Variants in NALCN observed in about 807,000 individuals in gnomAD.
The protein encoded by NALCN is sodium leak channel, non-selective, also known as sodium leak channel NALCN.
NALCN carries 111 observed loss-of-function variants against 225.3 expected under a neutral mutation model. The observed-to-expected ratio is 0.49, with a 90% confidence interval of 0.42 to 0.58. The LOEUF (loss-of-function observed/expected upper bound fraction) is 0.58. Among genes scored for constraint, NALCN ranks in the 20% least tolerant of loss-of-function variants. The probability of loss-of-function intolerance (pLI) is 0.00; values close to 1 mark genes in which losing one functional copy is unlikely to be tolerated. For missense variants in NALCN, 1,378 were observed against 2,202.4 expected (o/e 0.63, Z 7.49); for synonymous variants, 764 against 769.0 (o/e 0.99, Z 0.11).
intron 15 of NALCN, among the ~76,000 whole-genome samples, chr13:101,156,220 T>C (rs1035254611): frequency 8.6e-5 from 13 of 151,974 alleles, no homozygotes; most frequent in African/African-American, 3.2e-4. Flanking sequence ...TTTTAGCTCT[T>C]CTTTATTTTC....
intron 27 of NALCN, among the ~76,000 whole-genome samples, chr13:101,097,685 CT>C (rs1453363362): frequency 6.6e-6 from 1 of 152,166 alleles, no homozygotes; most frequent in Non-Finnish European, 1.5e-5. Flanking sequence ...GTGCTTTGTA[CT>C]TTGTGGGCAC....
chr13:101,308,915 C>T (rs1236635937), intron 7 of NALCN, among the ~76,000 whole-genome samples: 2 of 150,120 alleles, frequency 1.3e-5, no homozygotes, highest in African/African-American at 2.5e-5. Flanking sequence ...ACACTTAGCC[C>T]GAAGAATGAA....
intron 15 of NALCN, among the ~76,000 whole-genome samples, chr13:101,148,836 G>A (rs2037487317): frequency 6.6e-6 from 1 of 152,228 alleles, no homozygotes; most frequent in Non-Finnish European, 1.5e-5. Flanking sequence ...AGGGTAGAGA[G>A]ATAAGCATAA....
At chr13:101,118,286 A>C (rs780301617) in intron 18 of NALCN, among the ~76,000 whole-genome samples, 3 of 152,086 alleles carry the variant, frequency 2.0e-5, no homozygotes, top group Non-Finnish European at 2.9e-5. Flanking sequence ...GTTTGGTAAA[A>C]CTCAATAGTA....
At chr13:101,241,197 G>C (rs1196347468) in intron 11 of NALCN, among the ~76,000 whole-genome samples, 1 of 152,190 alleles carries the variant, frequency 6.6e-6, no homozygotes, top group African/African-American at 2.4e-5. Context: ...CAATTTGGCA[G>C]TTTGTATTTT....
intron 7 of NALCN, among the ~76,000 whole-genome samples, chr13:101,342,243 C>T (rs1328783893): frequency 2.0e-5 from 3 of 152,126 alleles, no homozygotes; most frequent in Non-Finnish European, 2.9e-5. Context: ...GCCATCTATT[C>T]CTTGGATCAC....
chr13:101,178,511 G>T (rs2039057114), intron 14 of NALCN, among the ~76,000 whole-genome samples: 2 of 152,100 alleles, frequency 1.3e-5, no homozygotes, highest in South Asian at 4.1e-4. Flanking sequence ...CAACCTAAAA[G>T]AATGTTTTCC....
At chr13:101,328,901 A>G (rs1211855881) in intron 7 of NALCN, among the ~76,000 whole-genome samples, 3 of 152,130 alleles carry the variant, frequency 2.0e-5, no homozygotes, top group Admixed American at 2.0e-4. Flanking sequence ...CAGAATACTC[A>G]CTATTGTAGC....
chr13:101,314,924 C>T (rs1156966819), intron 7 of NALCN, among the ~76,000 whole-genome samples: 2 of 151,846 alleles, frequency 1.3e-5, no homozygotes. Flanking sequence ...TTCCCACTGG[C>T]GGGAAGAGGA....
intron 27 of NALCN, among the ~76,000 whole-genome samples, chr13:101,099,937 G>A (rs1203315856): frequency 6.6e-6 from 1 of 152,148 alleles, no homozygotes; most frequent in African/African-American, 2.4e-5. Context: ...TATTGCAACT[G>A]ATCCAAGATG....
chr13:101,283,183 G>T (rs1379630908), intron 10 of NALCN, among the ~76,000 whole-genome samples: 1 of 152,154 alleles, frequency 6.6e-6, no homozygotes, highest in Non-Finnish European at 1.5e-5. Context: ...ATTATGGAAA[G>T]TTAGGGGTGC....
chr13:101,378,360 G>C (rs868571242), intron 4 of NALCN, among the ~76,000 whole-genome samples: 1 of 151,878 alleles, frequency 6.6e-6, no homozygotes, highest in African/African-American at 2.4e-5. Context: ...CAAGTATTAC[G>C]TATCAATTAA....
At chr13:101,294,644 G>A (rs1341615680) in intron 7 of NALCN, among the ~76,000 whole-genome samples, 2 of 148,468 alleles carry the variant, frequency 1.3e-5, no homozygotes, top group Non-Finnish European at 3.0e-5. Flanking sequence ...CCAACGTACT[G>A]GATATACCAG....
intron 1 of NALCN, among the ~76,000 whole-genome samples, chr13:101,402,723 C>T (rs10508066): frequency 0.089 from 13,590 of 152,134 alleles, 771 homozygotes; most frequent in African/African-American, 0.15. Context: ...AGAGAGGTAT[C>T]GGTGCTGCTT....
intron 1 of NALCN, among the ~76,000 whole-genome samples, chr13:101,403,970 A>G (rs976766944): frequency 2.0e-5 from 3 of 152,156 alleles, no homozygotes; most frequent in Admixed American, 2.0e-4. Flanking sequence ...TCATTCATTC[A>G]TGTTTGCATA....
At chr13:101,228,608 C>G (rs190400351) in intron 13 of NALCN, among the ~76,000 whole-genome samples, 10 of 152,306 alleles carry the variant, frequency 6.6e-5, no homozygotes, top group Admixed American at 5.9e-4. Context: ...TCACCTTCCA[C>G]CATGACTGTG....
intron 37 of NALCN, among the ~76,000 whole-genome samples, chr13:101,069,933 C>T (rs751956849): frequency 2.3e-4 from 35 of 152,200 alleles, no homozygotes; most frequent in Non-Finnish European, 3.4e-4. Flanking sequence ...TTTCTACCAA[C>T]CACATGTGCA....
At chr13:101,207,914 G>A (rs528804635) in intron 13 of NALCN, among the ~76,000 whole-genome samples, 21 of 152,242 alleles carry the variant, frequency 1.4e-4, no homozygotes, top group African/African-American at 3.9e-4. Flanking sequence ...AACACTCACC[G>A]CAAAGGTCTG....
At chr13:101,403,532 G>C (rs1006112924) in intron 1 of NALCN, among the ~76,000 whole-genome samples, 3 of 152,148 alleles carry the variant, frequency 2.0e-5, no homozygotes, top group Admixed American at 6.5e-5. Context: ...TGTTATAACT[G>C]AAAAACTTAA....
Sources: gnomAD v4.1 joint callset for allele counts (sites outside exome capture counted in the v4.1 genomes callset) on GRCh38, gnomAD v4.1.1 for gene constraint, MANE v1.5 for transcripts, NCBI Gene and HGNC (gene_info 2026-07-23, HGNC 2026-07-21) for gene names.